Variants in UNC13C observed in about 807,000 individuals in gnomAD.
The protein encoded by UNC13C is unc-13 homolog C.
A neutral mutation model predicts 245.4 loss-of-function variants in UNC13C; 174 were observed. The ratio of observed to expected loss-of-function variants is 0.71; its 90% CI spans 0.63 to 0.80. The LOEUF (loss-of-function observed/expected upper bound fraction) is 0.80, where lower values mean the gene tolerates loss of function less well. UNC13C is among the 30% of genes least tolerant of loss of function. The pLI, the probability that UNC13C is intolerant of heterozygous loss-of-function variation, is 0.00. For missense variants in UNC13C, 2,829 were observed against 2,602.9 expected (o/e 1.09, Z -1.89); for synonymous variants, 992 against 895.1 (o/e 1.11, Z -1.93).
At position 54,150,910 on chromosome 15, in the gene UNC13C, A is replaced by C. The variant is rs533328033; in HGVS notation, c.3071+7226A>C. Among the ~76,000 whole-genome samples the C allele has an allele frequency of 8.5e-5, 13 of 152,326 alleles. 1 individual carries two copies. The South Asian group carries it at 2.7e-3, about 32-fold the overall frequency. On this transcript the variant is annotated intron_variant, in intron 4 of 32. Coordinates refer to ENST00000260323, the MANE Select transcript of UNC13C (RefSeq NM_001080534.3). ...AAATAGTTTCTTTTAGGCATATTTT[A>C]TTCCTAAATTTATGGTGGCAAAATA... is the stretch of plus-strand genomic sequence containing the variant.
At chr15:53,979,810 A>G (rs550408900) in intron 1 of UNC13C, among the ~76,000 whole-genome samples, 2 of 152,322 alleles carry the variant, frequency 1.3e-5, no homozygotes, top group African/African-American at 4.8e-5. Context: ...TTGTAAGTTT[A>G]TATAATTTTG....
intron 24 of UNC13C, among the ~76,000 whole-genome samples, chr15:54,515,782 G>A (rs565390855): frequency 7.2e-5 from 11 of 152,126 alleles, no homozygotes; most frequent in Non-Finnish European, 1.2e-4. Flanking sequence ...CGTTTGTTCA[G>A]CTAAATTATT....
At chr15:53,972,349 A>G in the UNC13C span, among the ~76,000 whole-genome samples, 1 of 152,228 alleles carries the variant, frequency 6.6e-6, no homozygotes, top group Non-Finnish European at 1.5e-5. Context: ...GATAACAACT[A>G]GGAAACGGGA....
intron 4 of UNC13C, among the ~76,000 whole-genome samples, chr15:54,190,267 T>A (rs1408996496): frequency 1.3e-5 from 2 of 152,198 alleles, no homozygotes; most frequent in Non-Finnish European, 2.9e-5. Flanking sequence ...TTTTCTTTTT[T>A]TATTTTTTTT....
At chr15:54,092,412 A>T (rs1268921050) in intron 2 of UNC13C, among the ~76,000 whole-genome samples, 1 of 152,212 alleles carries the variant, frequency 6.6e-6, no homozygotes, top group Non-Finnish European at 1.5e-5. Context: ...TAACAATACT[A>T]GCAACATTTT....
At chr15:54,295,172 GAA>G (rs1242528034) in intron 11 of UNC13C, among the ~76,000 whole-genome samples, 1 of 152,082 alleles carries the variant, frequency 6.6e-6, no homozygotes, top group Non-Finnish European at 1.5e-5. Context: ...TATGAAAATA[GAA>G]TTACTAACTG....
At position 54,015,280 on chromosome 15, in the gene UNC13C, A is replaced by T; in HGVS notation, c.2377A>T (p.Ser793Cys). 1 of 1,606,076 alleles carries T rather than the reference A, an allele frequency of 6.2e-7. No individual in the cohort carries two copies. Among genetic ancestry groups the T allele is most frequent in the South Asian group, 1.1e-5 (1 of 90,692 alleles). The change falls in exon 2 of 33, where the codon AGC becomes TGC. Residue 793 changes from serine to cysteine, a missense_variant. Ser to Cys is a moderately radical substitution (Grantham distance 112, BLOSUM62 -1). Coordinates refer to ENST00000260323, the MANE Select transcript of UNC13C (RefSeq NM_001080534.3). Reference sequence around the variant, plus strand: ...CATTGACCTTTCTGATAAGACTTTCAGCTTCCCAAAATTTGGATCTACACT... The same window carrying T: ...CATTGACCTTTCTGATAAGACTTTCTGCTTCCCAAAATTTGGATCTACACT... ...LSIDLSDKTF[S>C]FPKFGSTLQR...
chr15:53,884,813 CCT>C, the UNC13C span, among the ~76,000 whole-genome samples: 1 of 152,122 alleles, frequency 6.6e-6, no homozygotes, highest in South Asian at 2.1e-4. Flanking sequence ...CTAGTTCCCC[CCT>C]CTTTCCCTTT....
intron 17 of UNC13C, among the ~76,000 whole-genome samples, chr15:54,362,380 A>G (rs1441548946): frequency 3.3e-5 from 5 of 152,192 alleles, no homozygotes; most frequent in Non-Finnish European, 5.9e-5. Flanking sequence ...AGCAGCACAG[A>G]CTAAAATGAC....
intron 4 of UNC13C, among the ~76,000 whole-genome samples, chr15:54,195,919 A>C (rs1346601535): frequency 6.6e-6 from 1 of 152,096 alleles, no homozygotes; most frequent in Non-Finnish European, 1.5e-5. Context: ...TTACTTTACC[A>C]CAACTGTGTC....
intron 18 of UNC13C, among the ~76,000 whole-genome samples, chr15:54,403,442 C>T (rs767873137): frequency 6.6e-5 from 10 of 151,904 alleles, no homozygotes; most frequent in Non-Finnish European, 1.0e-4. Context: ...AAAGTGGAAG[C>T]CAGGAGCAGT....
At chr15:54,600,034 T>C (rs1000051676) in intron 30 of UNC13C, among the ~76,000 whole-genome samples, 3 of 152,128 alleles carry the variant, frequency 2.0e-5, no homozygotes, top group African/African-American at 7.2e-5. Flanking sequence ...AGGTCTAATA[T>C]AGCAGGCATA....
chr15:54,555,980 AT>A (rs1446950784), intron 29 of UNC13C, among the ~76,000 whole-genome samples: 2 of 152,064 alleles, frequency 1.3e-5, no homozygotes, highest in Non-Finnish European at 2.9e-5. Flanking sequence ...CAATAATTTC[AT>A]TTCATTTTCT....
At chr15:53,961,320 C>G in the UNC13C span, among the ~76,000 whole-genome samples, 1 of 152,244 alleles carries the variant, frequency 6.6e-6, no homozygotes, top group African/African-American at 2.4e-5. Flanking sequence ...GCCCTCCTCT[C>G]TGAATTGCTT....
chr15:54,377,186 A>G (rs1168983964), intron 17 of UNC13C, among the ~76,000 whole-genome samples: 1 of 152,212 alleles, frequency 6.6e-6, no homozygotes, highest in Non-Finnish European at 1.5e-5. Context: ...TCACAGCATA[A>G]TGGCTGTATT....
At chr15:54,242,434 T>A (rs1183150534) in intron 7 of UNC13C, among the ~76,000 whole-genome samples, 1 of 152,170 alleles carries the variant, frequency 6.6e-6, no homozygotes, top group African/African-American at 2.4e-5. Context: ...ACCATCAAAT[T>A]GTTTATATAA....
intron 14 of UNC13C, among the ~76,000 whole-genome samples, chr15:54,324,864 G>A (rs10851565): frequency 0.44 from 67,374 of 151,922 alleles, 16,003 homozygotes; most frequent in African/African-American, 0.61. Flanking sequence ...TAACAAGCTT[G>A]TCCAACCCAC....
At chr15:54,469,673 AC>A (rs1892357265) in intron 19 of UNC13C, among the ~76,000 whole-genome samples, 1 of 151,664 alleles carries the variant, frequency 6.6e-6, no homozygotes, top group Non-Finnish European at 1.5e-5. Context: ...TACTTGGTAC[AC>A]AGCAAATTCA....
rs542848810 is a variant in UNC13C, at chr15:54,485,965, A to G, written c.4934-8643A>G. Reference sequence around the variant, plus strand: ...GGCCCACTTCCTCCCCTTACATTACATTATATATTTTTTTTCCAGAACACA... The same window carrying G: ...GGCCCACTTCCTCCCCTTACATTACGTTATATATTTTTTTTCCAGAACACA... On this transcript the variant is annotated intron_variant, in intron 19 of 32. Coordinates refer to ENST00000260323, the MANE Select transcript of UNC13C (RefSeq NM_001080534.3). Among the ~76,000 whole-genome samples the G allele has an allele frequency of 2.6e-5, 4 of 152,182 alleles. No homozygotes were observed. In the East Asian group the frequency reaches 7.7e-4, roughly 29 times the overall value.
Sources: gnomAD v4.1 joint callset for allele counts (sites outside exome capture counted in the v4.1 genomes callset) on GRCh38, gnomAD v4.1.1 for gene constraint, MANE v1.5 for transcripts, NCBI Gene and HGNC (gene_info 2026-07-23, HGNC 2026-07-21) for gene names.